Variants in IFI16 observed in about 807,000 individuals in gnomAD.
The protein encoded by IFI16 is interferon gamma inducible protein 16.
A neutral mutation model predicts 68.4 loss-of-function variants in IFI16; 49 were observed. That is an observed-to-expected ratio of 0.72 (90% CI 0.57 to 0.91). IFI16 has a LOEUF of 0.91. Among genes scored for constraint, IFI16 ranks in the 40% least tolerant of loss-of-function variants. The pLI is 0.00. For missense variants in IFI16, 878 were observed against 942.9 expected, an observed-to-expected ratio of 0.93 and a Z score of 0.90; for synonymous variants, 307 against 315.0, an observed-to-expected ratio of 0.97 and a Z score of 0.27.
intron 6 of IFI16, among the ~76,000 whole-genome samples, chr1:159,026,588 T>C (rs1653686533): frequency 6.6e-6 from 1 of 152,134 alleles, no homozygotes. Flanking sequence ...TGTGAGCCAC[T>C]GCGCCCGGCC....
chr1:159,016,687 G>C lies in IFI16; in HGVS notation c.536G>C (p.Ser179Thr), dbSNP rs866484. 1,233,823 of 1,612,968 alleles carry C rather than the reference G, an allele frequency of 0.76. 477,885 individuals carry two copies. The highest frequency in any genetic ancestry group is 0.85 in the Admixed American group (50,661 of 59,898). The change falls in exon 4 of 12, where the codon AGT becomes ACT. Residue 179 changes from serine to threonine, a missense_variant. By Grantham distance (58) the Ser-to-Thr change is moderately conservative. Around this residue, in one of 4 missense-constraint regions of IFI16, gnomAD observed 443 missense variants for 421.8 expected, o/e 1.05. Coordinates refer to ENST00000295809, the MANE Select transcript of IFI16 (RefSeq NM_001376587.1). The part of the protein sequence containing the change: ...PKTSLSAPPN[S>T]SSTENPKTVA... ...ACCTCATTGTCAGCTCCACCCAACA[G>C]TTCTTCAACTGAGGTACACTCTTCC...
In IFI16 at chr1:159,014,654, C is replaced by T. The variant is rs1277009109; in HGVS notation, c.-20-7C>T. On this transcript the variant is annotated splice_region_variant and splice_polypyrimidine_tract_variant and intron_variant, in intron 1 of 11. Transcript: ENST00000295809. ...TGTAACACTGTATATACCATTTTCT[C>T]TTGTAGGCTCACTTATGTCTGTAAA... The T allele has an allele frequency of 1.3e-6, 2 of 1,557,844 alleles. No homozygotes were observed. Among genetic ancestry groups the T allele is most frequent in the African/African-American group, 2.7e-5 (2 of 72,846 alleles).
chr1:159,054,697 ATC>A, intron 11 of IFI16, 122 bp from the exon 12 acceptor site: 1 of 554,830 alleles, frequency 1.8e-6, no homozygotes, highest in South Asian at 2.8e-5. Flanking sequence ...CGAGAAAAGA[ATC>A]ATTTAGAAAG....
At chr1:159,048,708 T>G (rs1655150187) in intron 8 of IFI16, among the ~76,000 whole-genome samples, 2 of 151,532 alleles carry the variant, frequency 1.3e-5, no homozygotes, top group African/African-American at 4.8e-5. Flanking sequence ...ATGTGCCACA[T>G]TGGCCAAATA....
intron 7 of IFI16, among the ~76,000 whole-genome samples, chr1:159,033,173 A>C (rs931524686): frequency 6.6e-5 from 10 of 152,066 alleles, no homozygotes; most frequent in Admixed American, 2.0e-4. Context: ...ATCTCCTTAA[A>C]TTTTACATGC....
Position 159,049,117 on chromosome 1 carries a change from GC to G in IFI16, c.1498-310del, listed in dbSNP as rs1299138874. ...AGCCAACTTTATTGCAAGCCATGCTGCCCCCAAAATAGCCCTAAGAGTTGTA... is the reference window on the plus strand; with the variant it reads ...AGCCAACTTTATTGCAAGCCATGCTGCCCCAAAATAGCCCTAAGAGTTGTA... On this transcript the variant is annotated intron_variant, in intron 8 of 11. Transcript: ENST00000295809. 1.3e-5 allele frequency among the ~76,000 whole-genome samples: 2 copies of G among 149,738 alleles called. 1 individual carries two copies. The highest frequency in any genetic ancestry group is 5.0e-5 in the African/African-American group (2 of 40,246).
chr1:159,003,700 G>A (rs1441099081), upstream of IFI16, among the ~76,000 whole-genome samples: 1 of 151,946 alleles, frequency 6.6e-6, no homozygotes, highest in Non-Finnish European at 1.5e-5. Flanking sequence ...TCGCTTTGTC[G>A]CCCAGGCTGG....
chr1:159,054,542 T>C (rs1039243541), intron 11 of IFI16, among the ~76,000 whole-genome samples: 9 of 152,186 alleles, frequency 5.9e-5, no homozygotes, highest in Non-Finnish European at 1.3e-4. Flanking sequence ...ACCAGCTCCT[T>C]TCTCTCTCCT....
Position 159,051,762 on chromosome 1 carries a change from G to A in IFI16, c.1749G>A (p.Leu583=), listed in dbSNP as rs1200618348. 1 of 1,613,902 alleles carries A rather than the reference G, an allele frequency of 6.2e-7. No homozygotes were observed. Among genetic ancestry groups the A allele is most frequent in the Non-Finnish European group, 8.5e-7 (1 of 1,179,880 alleles). The change falls in exon 10 of 12, where the codon CTG becomes CTA. Residue 583 remains leucine (L), a synonymous_variant. Transcript: ENST00000295809. ...AQSDLKEVMV[L]NATESFVYEP... ...GTGACCTCAAAGAAGTGATGGTGCT[G>A]AACGCAACAGAATCATTTGTATATG...
intron 7 of IFI16, among the ~76,000 whole-genome samples, chr1:159,041,583 C>T (rs975129026): frequency 2.0e-5 from 3 of 152,162 alleles, no homozygotes; most frequent in Non-Finnish European, 4.4e-5. Context: ...TCATGCCCCC[C>T]TCATCACCAG....
In IFI16 at chr1:159,018,525, T is replaced by C. The variant is rs143455708; in HGVS notation, c.846T>C (p.Ala282=). ...ATGAAGAATCTACTGTATCTGAAGCTGGTCCTAACCAAACGTTTGAGGTTC... is the reference window on the plus strand; with the variant it reads ...ATGAAGAATCTACTGTATCTGAAGCCGGTCCTAACCAAACGTTTGAGGTTC... ...EVNEESTVSE[A]GPNQTFEVPN... Residue 282 remains alanine (A), a synonymous_variant, in exon 5 of 12, where the codon GCT becomes GCC. Coordinates refer to ENST00000295809, the MANE Select transcript of IFI16 (RefSeq NM_001376587.1). 4.2e-4 allele frequency: 677 copies of C among 1,614,000 alleles called. 2 individuals carry two copies. In the African/African-American group the frequency reaches 7.7e-3, roughly 18 times the overall value.
chr1:159,052,019 C>G lies in IFI16; in HGVS notation c.2006C>G (p.Ala669Gly), dbSNP rs377522257. 32 of 1,613,904 alleles carry G rather than the reference C, an allele frequency of 2.0e-5. 1 individual carries two copies. The Middle Eastern group carries it at 9.9e-4, about 50-fold the overall frequency. Residue 669 changes from alanine to glycine, a missense_variant, in exon 10 of 12, where the codon GCC becomes GGC. Transcript: ENST00000295809. ...MEIPKGLIRSASVTPKINQLC... is the reference protein window; with the variant it reads ...MEIPKGLIRSGSVTPKINQLC... ...ATCCCAAAAGGATTGATTAGAAGTG[C>G]CAGCGTAACTCCTAAAATCAATCAG... is the stretch of plus-strand genomic sequence containing the variant.
At chr1:159,053,296 T>C (rs1655472418) in intron 10 of IFI16, 1 of 357,974 alleles carries the variant, frequency 2.8e-6, no homozygotes, top group African/African-American at 2.1e-5. Flanking sequence ...GTAATCAATT[T>C]TTTTTCCTAG....
rs59743054 is a variant in IFI16 at position 159,013,162 on chromosome 1, C to CT, written c.-20-1473dup. On this transcript the variant is annotated intron_variant, in intron 1 of 11. Coordinates refer to ENST00000295809, the MANE Select transcript of IFI16 (RefSeq NM_001376587.1). ...TCCTCATGTTCTCGTAAGAAGGAAG[C>CT]TTTTTTTTTTTTTTTTTTTTTTTTT... Among the ~76,000 whole-genome samples, 113 of 54,678 alleles carry CT rather than the reference C, an allele frequency of 2.1e-3. 8 individuals are homozygous for CT. Among genetic ancestry groups the CT allele is most frequent in the African/African-American group, 6.2e-3 (97 of 15,726 alleles). 35.9% of individuals were successfully genotyped at this position (54,678 alleles called of 152,430 possible).
intron 9 of IFI16, among the ~76,000 whole-genome samples, chr1:159,051,397 G>A (rs946359664): frequency 2.0e-5 from 3 of 151,984 alleles, no homozygotes; most frequent in Non-Finnish European, 4.4e-5. Context: ...CTCTTGATAG[G>A]GGATATGCCT....
chr1:159,008,805 T>G (rs1364466198), upstream of IFI16, among the ~76,000 whole-genome samples: 2 of 152,250 alleles, frequency 1.3e-5, no homozygotes, highest in Non-Finnish European at 2.9e-5. Context: ...TCATATGGTT[T>G]CAAATCCAGA....
intron 6 of IFI16, among the ~76,000 whole-genome samples, chr1:159,021,678 C>T (rs1653323281): frequency 6.6e-6 from 1 of 152,146 alleles, no homozygotes; most frequent in South Asian, 2.1e-4. Flanking sequence ...GGAATCTATA[C>T]ACTGTTTACT....
chr1:159,014,057 A>G (rs1386048275), intron 1 of IFI16, among the ~76,000 whole-genome samples: 3 of 152,228 alleles, frequency 2.0e-5, no homozygotes, highest in Non-Finnish European at 4.4e-5. Context: ...CTGCACTAGA[A>G]AGCATGCAGA....
rs375237233 is a variant in IFI16 at position 159,023,710 on chromosome 1, CAG to C, written c.1161+3184_1161+3185del. Among the ~76,000 whole-genome samples the C allele has an allele frequency of 4.3e-3, 660 of 152,130 alleles. 2 individuals are homozygous for C. The highest frequency in any genetic ancestry group is 0.014 in the African/African-American group (589 of 41,498). On this transcript the variant is annotated intron_variant, in intron 6 of 11. Transcript: ENST00000295809. ...CATAAGTACTGCTCCAATTATTTGGCAGAGTGTCTAGTAAAAGTCCTCTACAA... is the reference window on the plus strand; with the variant it reads ...CATAAGTACTGCTCCAATTATTTGGCAGTGTCTAGTAAAAGTCCTCTACAA...
Sources: gnomAD v4.1 joint callset for allele counts (sites outside exome capture counted in the v4.1 genomes callset) on GRCh38, gnomAD v4.1.1 for gene constraint, gnomAD v4.1.1 regional missense constraint, MANE v1.5 for transcripts, NCBI Gene and HGNC (gene_info 2026-07-23, HGNC 2026-07-21) for gene names.